Variants in LRRN2 observed in about 807,000 individuals in gnomAD.
LRRN2 encodes leucine-rich repeat neuronal protein 2.
A neutral mutation model predicts 35.7 loss-of-function variants in LRRN2; 10 were observed. The observed-to-expected ratio is 0.28, with a 90% CI of 0.17 to 0.47. The LOEUF is 0.47. Among genes scored for constraint, LRRN2 ranks in the 20% least tolerant of loss-of-function variants. The pLI, the probability that LRRN2 is intolerant of heterozygous loss-of-function variation, is 0.99. For missense variants in LRRN2, 731 were observed against 940.3 expected, an observed-to-expected ratio of 0.78 and a Z score of 2.91; for synonymous variants, 391 against 409.6, an observed-to-expected ratio of 0.95 and a Z score of 0.55.
intron 1 of LRRN2, among the ~76,000 whole-genome samples, chr1:204,657,125 G>A (rs897593544): frequency 1.8e-4 from 27 of 152,028 alleles, no homozygotes; most frequent in Non-Finnish European, 1.3e-4. Flanking sequence ...CCAACACGGC[G>A]AAACCCCCGT....
intron 1 of LRRN2, among the ~76,000 whole-genome samples, chr1:204,638,403 T>C (rs1031583154): frequency 3.2e-5 from 2 of 62,172 alleles, no homozygotes; most frequent in Admixed American, 1.8e-4. Flanking sequence ...AAGGTCTTCC[T>C]TTTTTTTTTT....
Position 204,653,861 on chromosome 1 carries a change from C to CAA in LRRN2, c.-227+31457_-227+31458dup, listed in dbSNP as rs35513876. Among the ~76,000 whole-genome samples, 850 of 122,026 alleles carry CAA rather than the reference C, an allele frequency of 7.0e-3. 5 individuals are homozygous for CAA. Among genetic ancestry groups the CAA allele is most frequent in the Non-Finnish European group, 0.01 (616 of 59,952 alleles). The allele number at this position is 122,026 out of a possible 152,430, so 80.1% of individuals were successfully genotyped here. A position where few individuals can be genotyped will look rare whatever the true frequency, so the allele number is the denominator to read the frequency against. Reference sequence around the variant, plus strand: ...TGGGCAACAGAGTGAGACCCCATCTCAAAAAAAAAAAAAAAGAAAAACTAT... The same window carrying CAA: ...TGGGCAACAGAGTGAGACCCCATCTCAAAAAAAAAAAAAAAAAGAAAAACTAT... On this transcript the variant is annotated intron_variant, in intron 1 of 1. Coordinates refer to ENST00000367177, the MANE Select transcript of LRRN2 (RefSeq NM_201630.2).
At chr1:204,682,675 T>C (rs1022401676) in intron 1 of LRRN2, among the ~76,000 whole-genome samples, 1 of 152,188 alleles carries the variant, frequency 6.6e-6, no homozygotes, top group African/African-American at 2.4e-5. Flanking sequence ...AATAATAAAT[T>C]TGATTCCTTC....
At position 204,636,869 on chromosome 1, in the gene LRRN2, G is replaced by A. The variant is rs193060152; in HGVS notation, c.-226-16651C>T. On this transcript the variant is annotated intron_variant, in intron 1 of 1. Coordinates refer to ENST00000367177, the MANE Select transcript of LRRN2 (RefSeq NM_201630.2). ...ACACGGTGTTAAAAAAAACTTCCCA[G>A]GATTTCTTTGTAAATTTTATGTCAA... Among the ~76,000 whole-genome samples the A allele has an allele frequency of 2.2e-4, 33 of 152,238 alleles. No individual in the cohort carries two copies. The East Asian group carries it at 6.4e-3, about 29-fold the overall frequency.
Position 204,626,096 on chromosome 1 carries a change from C to T in LRRN2, c.-226-5878G>A, listed in dbSNP as rs531289268. On this transcript the variant is annotated intron_variant, in intron 1 of 1. Coordinates refer to ENST00000367177, the MANE Select transcript of LRRN2 (RefSeq NM_201630.2). ...GAGGGGCCCAGACCTGCACTCCTAA[C>T]CATCCATCCCCTGGGTCACTCTACT... is the stretch of plus-strand genomic sequence containing the variant. Among the ~76,000 whole-genome samples the T allele has an allele frequency of 3.3e-5, 5 of 152,252 alleles. No homozygotes were observed. In the East Asian group the frequency reaches 9.7e-4, roughly 29 times the overall value.
At chr1:204,679,897 G>A (rs1381831137) in intron 1 of LRRN2, among the ~76,000 whole-genome samples, 2 of 152,242 alleles carry the variant, frequency 1.3e-5, no homozygotes, top group Non-Finnish European at 2.9e-5. Context: ...AGGTCACAGA[G>A]ACCCTCTCTG....
rs1455645883 is a variant in LRRN2 at position 204,652,212 on chromosome 1, A to G, written c.-226-31994T>C. On this transcript the variant is annotated intron_variant, in intron 1 of 1. Coordinates refer to ENST00000367177, the MANE Select transcript of LRRN2 (RefSeq NM_201630.2). ...GGAGACGGAAAAACGGAGATGGGCC[A>G]TGGGACCCTTCCCCCTCCTCTCTCC... Among the ~76,000 whole-genome samples, 3 of 150,184 alleles carry G rather than the reference A, an allele frequency of 2.0e-5. No homozygotes were observed. The South Asian group carries it at 6.4e-4, about 32-fold the overall frequency.
At position 204,683,488 on chromosome 1, in the gene LRRN2, G is replaced by C. The variant is rs962411844; in HGVS notation, c.-227+1832C>G. Reference sequence around the variant, plus strand: ...ATGAGGGGGAGGAGGAAGAGGGGAGGCACAGGGAAAATAGGATGGGAAGTG... The same window carrying C: ...ATGAGGGGGAGGAGGAAGAGGGGAGCCACAGGGAAAATAGGATGGGAAGTG... On this transcript the variant is annotated intron_variant, in intron 1 of 1. Transcript: ENST00000367177. Among the ~76,000 whole-genome samples the C allele has an allele frequency of 2.0e-5, 3 of 151,908 alleles. No homozygotes were observed. In the East Asian group the frequency reaches 5.8e-4, roughly 29 times the overall value.
chr1:204,657,006 A>C (rs1181513297), intron 1 of LRRN2, among the ~76,000 whole-genome samples: 1 of 152,174 alleles, frequency 6.6e-6, no homozygotes, highest in Admixed American at 6.6e-5. Context: ...TAGATGGATA[A>C]AAAAATATGG....
Position 204,642,413 on chromosome 1 carries a change from T to G in LRRN2, c.-226-22195A>C, listed in dbSNP as rs150075170. The stretch of plus-strand genomic sequence containing the variant: ...GGGACTGACCTGTGCCAGGAGCTAC[T>G]CTTTGAATGCCACTGGCAGAGGGGT... On this transcript the variant is annotated intron_variant, in intron 1 of 1. Transcript: ENST00000367177. Among the ~76,000 whole-genome samples the G allele has an allele frequency of 5.1e-3, 783 of 152,288 alleles. 5 individuals are homozygous for G. The highest frequency in any genetic ancestry group is 8.6e-3 in the Non-Finnish European group (582 of 68,004).
At chr1:204,654,108 G>A (rs748345445) in intron 1 of LRRN2, among the ~76,000 whole-genome samples, 1 of 150,102 alleles carries the variant, frequency 6.7e-6, no homozygotes, top group Non-Finnish European at 1.5e-5. Flanking sequence ...GCTGGGATTT[G>A]AATCTCGGCA....
intron 1 of LRRN2, among the ~76,000 whole-genome samples, chr1:204,633,594 G>T (rs1667761368): frequency 6.6e-6 from 1 of 152,188 alleles, no homozygotes; most frequent in African/African-American, 2.4e-5. Flanking sequence ...CACAGTAAGA[G>T]CGTGATGTGG....
Position 204,618,766 on chromosome 1 carries a change from ACGGAC to A in LRRN2, c.1222_1226del (p.Val408Ter). 1.2e-6 allele frequency: 2 copies of A among 1,613,168 alleles called. No homozygotes were observed. Among genetic ancestry groups the A allele is most frequent in the Non-Finnish European group, 1.7e-6 (2 of 1,179,486 alleles). ...CCGTCATCTCCCGGAAGGGCACCTC[ACGGAC>A]CGGGAGGCGCTGGAGGTCCGGAGGC... On this transcript the variant is annotated frameshift_variant, in exon 2 of 2. Coordinates refer to ENST00000367177, the MANE Select transcript of LRRN2 (RefSeq NM_201630.2). LOFTEE classifies it high-confidence loss of function.
intron 1 of LRRN2, among the ~76,000 whole-genome samples, chr1:204,645,910 C>T (rs753450085): frequency 4.6e-5 from 7 of 152,162 alleles, no homozygotes; most frequent in Admixed American, 2.6e-4. Context: ...CCACCCTTGA[C>T]ATGTGGGGAT....
intron 1 of LRRN2, among the ~76,000 whole-genome samples, chr1:204,667,955 GGAGTC>G (rs1668608186): frequency 6.6e-6 from 1 of 152,180 alleles, no homozygotes; most frequent in Non-Finnish European, 1.5e-5. Flanking sequence ...TTATCCTCCT[GGAGTC>G]TGCGGTGAGA....
chr1:204,618,348 G>C lies in LRRN2; in HGVS notation c.1645C>G (p.Pro549Ala), dbSNP rs754516595. Residue 549 changes from proline to alanine, a missense_variant, in exon 2 of 2, where the codon CCC becomes GCC. By Grantham distance (27) the Pro-to-Ala change is conservative. Coordinates refer to ENST00000367177, the MANE Select transcript of LRRN2 (RefSeq NM_201630.2). ...YHILLSWVTP[P>A]NTVSTNLTWS... is the part of the protein sequence containing the mutation. ...GTGAGGTTGGTGGACACTGTGTTGG[G>C]TGGGGTGACCCAAGATAGCAGGATG... 1 of 1,596,606 alleles carries C rather than the reference G, an allele frequency of 6.3e-7. No individual in the cohort carries two copies. Among genetic ancestry groups the C allele is most frequent in the Non-Finnish European group, 8.5e-7 (1 of 1,170,526 alleles).
intron 1 of LRRN2, among the ~76,000 whole-genome samples, chr1:204,647,527 A>C (rs919883876): frequency 2.6e-5 from 4 of 152,198 alleles, no homozygotes; most frequent in African/African-American, 4.8e-5. Context: ...ACAACAAGGA[A>C]AGGGAGAGAG....
At position 204,652,729 on chromosome 1, in the gene LRRN2, A is replaced by G. The variant is rs532404300; in HGVS notation, c.-226-32511T>C. 7.2e-5 allele frequency among the ~76,000 whole-genome samples: 11 copies of G among 152,320 alleles called. No individual in the cohort carries two copies. In the South Asian group the frequency reaches 2.3e-3, roughly 32 times the overall value. ...CGAATCACCCAGAGAGCTTGTTAACATGCAAATACCCATCCCACTCCTCAG... is the reference window on the plus strand; with the variant it reads ...CGAATCACCCAGAGAGCTTGTTAACGTGCAAATACCCATCCCACTCCTCAG... On this transcript the variant is annotated intron_variant, in intron 1 of 1. Coordinates refer to ENST00000367177, the MANE Select transcript of LRRN2 (RefSeq NM_201630.2).
intron 1 of LRRN2, among the ~76,000 whole-genome samples, chr1:204,678,100 A>G (rs1668866118): frequency 6.6e-6 from 1 of 152,148 alleles, no homozygotes; most frequent in Non-Finnish European, 1.5e-5. Context: ...CGTTCCCTAT[A>G]TAACTCCCAC....
Sources: gnomAD v4.1 joint callset for allele counts (sites outside exome capture counted in the v4.1 genomes callset) on GRCh38, gnomAD v4.1.1 for gene constraint, MANE v1.5 for transcripts, NCBI Gene and HGNC (gene_info 2026-07-23, HGNC 2026-07-21) for gene names.